GMDS: variants seen among roughly 807,000 people sequenced by gnomAD.
GMDS encodes GDP-mannose 4,6 dehydratase.
A neutral mutation model predicts 49.9 loss-of-function variants in GMDS; 20 were observed. That is an observed-to-expected ratio of 0.40 (90% CI 0.28 to 0.58). The LOEUF (loss-of-function observed/expected upper bound fraction) is 0.58. Among genes scored for constraint, GMDS ranks in the 20% least tolerant of loss-of-function variants. The probability of loss-of-function intolerance (pLI) is 0.42; values close to 1 mark genes in which losing one functional copy is unlikely to be tolerated. For missense variants in GMDS, 362 were observed against 481.4 expected, an observed-to-expected ratio of 0.75 and a Z score of 2.32; for synonymous variants, 177 against 178.6, an observed-to-expected ratio of 0.99 and a Z score of 0.07.
intron 7 of GMDS, among the ~76,000 whole-genome samples, chr6:1,751,316 A>G (rs1009196936): frequency 1.1e-4 from 16 of 152,176 alleles, no homozygotes; most frequent in African/African-American, 3.9e-4. Context: ...CACCTCACAC[A>G]GGAGAGCTCC....
At chr6:2,157,574 G>A (rs1777170491) in intron 1 of GMDS, among the ~76,000 whole-genome samples, 2 of 152,178 alleles carry the variant, frequency 1.3e-5, no homozygotes, top group African/African-American at 4.8e-5. Flanking sequence ...GACCAGAGAT[G>A]CCAGTGCTCA....
intron 9 of GMDS, among the ~76,000 whole-genome samples, chr6:1,670,233 A>G (rs1482676503): frequency 1.3e-5 from 2 of 152,188 alleles, no homozygotes; most frequent in Non-Finnish European, 2.9e-5. Context: ...AGAGGGTGTG[A>G]AATGACTGTA....
chr6:1,680,275 C>T (rs185413212), intron 9 of GMDS, among the ~76,000 whole-genome samples: 85 of 152,332 alleles, frequency 5.6e-4, no homozygotes, highest in African/African-American at 1.9e-3. Flanking sequence ...CCTTCATCCA[C>T]CTGCTTCCTC....
chr6:1,927,912 C>T (rs1210102094), intron 7 of GMDS, among the ~76,000 whole-genome samples: 2 of 152,218 alleles, frequency 1.3e-5, no homozygotes, highest in Admixed American at 6.5e-5. Context: ...AAAATAAACA[C>T]AACCTGTAAA....
rs901859513 is a variant in GMDS at position 1,833,115 on chromosome 6, C to T, written c.772-90529G>A. On this transcript the variant is annotated intron_variant, in intron 7 of 10. Transcript: ENST00000380815. The surrounding 1 kb of genome is among the most constrained non-coding windows in gnomAD (Gnocchi z 4.4). Reference sequence around the variant, plus strand: ...GTGCCCAGCTCACCCGGCAGTGGAGCGTATGAAAGCCTTTTTTTTTTTTTT... The same window carrying T: ...GTGCCCAGCTCACCCGGCAGTGGAGTGTATGAAAGCCTTTTTTTTTTTTTT... Among the ~76,000 whole-genome samples the T allele has an allele frequency of 8.5e-5, 12 of 140,918 alleles. No individual in the cohort carries two copies. Among genetic ancestry groups the T allele is most frequent in the Admixed American group, 1.5e-4 (2 of 13,578 alleles). 92.4% of individuals were successfully genotyped at this position (140,918 alleles called of 152,430 possible).
At chr6:1,771,741 C>T (rs1444785243) in intron 7 of GMDS, among the ~76,000 whole-genome samples, 4 of 152,184 alleles carry the variant, frequency 2.6e-5, no homozygotes, top group Non-Finnish European at 1.5e-5. Context: ...AAGAAGTGGT[C>T]CAACTGAAAG....
At chr6:2,199,631 C>A (rs1157227884) in intron 1 of GMDS, among the ~76,000 whole-genome samples, 3 of 152,206 alleles carry the variant, frequency 2.0e-5, no homozygotes, top group Non-Finnish European at 4.4e-5. Context: ...CCATTTTCAG[C>A]TCCTCTGAAG....
chr6:2,153,848 A>G (rs1190684608), intron 1 of GMDS, among the ~76,000 whole-genome samples: 1 of 152,216 alleles, frequency 6.6e-6, no homozygotes, highest in Non-Finnish European at 1.5e-5. Flanking sequence ...AAGAATGTCT[A>G]TTCCAGCAAA....
chr6:2,240,081 T>C (rs1781543920), intron 1 of GMDS, among the ~76,000 whole-genome samples: 1 of 152,156 alleles, frequency 6.6e-6, no homozygotes, highest in Admixed American at 6.5e-5. Context: ...ACAATCCTCT[T>C]ATATGAGAAG....
At chr6:1,862,556 C>CT (rs1389909533) in intron 7 of GMDS, among the ~76,000 whole-genome samples, 1 of 152,232 alleles carries the variant, frequency 6.6e-6, no homozygotes, top group Non-Finnish European at 1.5e-5. Context: ...AACATTATAA[C>CT]TGTTCATAAA....
At chr6:1,810,890 C>G (rs1166369047) in intron 7 of GMDS, among the ~76,000 whole-genome samples, 1 of 152,172 alleles carries the variant, frequency 6.6e-6, no homozygotes, top group Non-Finnish European at 1.5e-5. Context: ...AAACTAAAAA[C>G]ATACCTTTGT....
chr6:1,979,255 G>A (rs187027618), intron 4 of GMDS, among the ~76,000 whole-genome samples: 1 of 152,336 alleles, frequency 6.6e-6, no homozygotes, highest in Admixed American at 6.5e-5. Flanking sequence ...ACTTTGCTGA[G>A]CTAAGGGAGC....
chr6:1,702,956 C>T (rs1268897195), intron 9 of GMDS, among the ~76,000 whole-genome samples: 1 of 152,136 alleles, frequency 6.6e-6, no homozygotes, highest in Non-Finnish European at 1.5e-5. Context: ...GATCACTCTC[C>T]GTGAGGATTT....
chr6:1,913,244 A>G (rs550395459), intron 7 of GMDS, among the ~76,000 whole-genome samples: 260 of 150,596 alleles, frequency 1.7e-3, no homozygotes, highest in African/African-American at 5.5e-3. Flanking sequence ...AGCCGGGCGT[A>G]GTGGCGGGCG....
In GMDS at chr6:1,867,456, T is replaced by C. The variant is rs188008863; in HGVS notation, c.771+62647A>G. Reference sequence around the variant, plus strand: ...AGATGTGATAGAGTGTGCAGGCAAATATAGACAGGAGCAATTTGTACAAAT... The same window carrying C: ...AGATGTGATAGAGTGTGCAGGCAAACATAGACAGGAGCAATTTGTACAAAT... On this transcript the variant is annotated intron_variant, in intron 7 of 10. Coordinates refer to ENST00000380815, the MANE Select transcript of GMDS (RefSeq NM_001500.4). 4.4e-3 allele frequency among the ~76,000 whole-genome samples: 666 copies of C among 152,282 alleles called. 1 individual carries two copies. Among genetic ancestry groups the C allele is most frequent in the Non-Finnish European group, 7.0e-3 (477 of 68,032 alleles).
chr6:1,929,991 G>A (rs1762213629), intron 7 of GMDS, 112 bp downstream of exon 7: 2 of 939,420 alleles, frequency 2.1e-6, no homozygotes, highest in Non-Finnish European at 3.3e-6. Flanking sequence ...TACCTGCCTT[G>A]GCAAAGGTTT....
intron 4 of GMDS, among the ~76,000 whole-genome samples, chr6:2,090,124 T>A (rs536895147): frequency 6.6e-6 from 1 of 152,342 alleles, no homozygotes; most frequent in South Asian, 2.1e-4. Flanking sequence ...AGTTCTTCAA[T>A]TATTTTAAGG....
intron 4 of GMDS, among the ~76,000 whole-genome samples, chr6:2,016,067 T>TAAAAA (rs551256530): frequency 8.1e-6 from 1 of 123,030 alleles, no homozygotes. Context: ...ACCCTGTTTC[T>TAAAAA]AAAAAAAAAA....
intron 4 of GMDS, among the ~76,000 whole-genome samples, chr6:2,056,556 G>A (rs1463611979): frequency 6.6e-6 from 1 of 151,984 alleles, no homozygotes; most frequent in East Asian, 1.9e-4. Flanking sequence ...TTCAACACAA[G>A]AGACCATGGT....
Sources: gnomAD v4.1 joint callset for allele counts (sites outside exome capture counted in the v4.1 genomes callset) on GRCh38, gnomAD v4.1.1 for gene constraint, Gnocchi (gnomAD v3.1) non-coding constraint, MANE v1.5 for transcripts, NCBI Gene and HGNC (gene_info 2026-07-23, HGNC 2026-07-21) for gene names.